The following DAND5 variants were observed in gnomAD, a reference collection of about 807,000 sequenced individuals.
DAND5 encodes DAN domain BMP antagonist family member 5, also known as DAN domain family member 5.
A neutral mutation model predicts 9.2 loss-of-function variants in DAND5; 8 were observed. That is an observed-to-expected ratio of 0.87 (90% CI 0.51 to 1.56). The LOEUF is 1.56. DAND5 is among the 40% of genes most tolerant of loss of function. DAND5 has a pLI of 0.00. For missense variants in DAND5, 244 were observed against 244.7 expected (o/e 1.00, Z 0.02); for synonymous variants, 95 against 101.1 (o/e 0.94, Z 0.36).
intron 1 of DAND5, among the ~76,000 whole-genome samples, chr19:12,973,151 C>G (rs569415757): frequency 1.3e-5 from 2 of 152,142 alleles, no homozygotes; most frequent in Admixed American, 6.6e-5. Flanking sequence ...CGTGAGCCAC[C>G]GCGCCCGGCC....
At chr19:12,972,058 AT>A (rs71168643) in intron 1 of DAND5, among the ~76,000 whole-genome samples, 198 of 114,136 alleles carry the variant, frequency 1.7e-3, no homozygotes, top group East Asian at 0.01. Context: ...CCCAGCTAAT[AT>A]TTTTTTTTTT....
Position 12,973,435 on chromosome 19 carries a change from T to C in DAND5, c.371T>C (p.Leu124Pro), listed in dbSNP as rs747900391. The C allele has an allele frequency of 8.1e-6, 13 of 1,614,176 alleles. No individual in the cohort carries two copies. Among genetic ancestry groups the C allele is most frequent in the Non-Finnish European group, 1.1e-5 (13 of 1,180,034 alleles). The part of the protein sequence containing the change: ...GCSAIRLRNH[L>P]CFGHCSSLYI... ...TCAGCCATACGCCTCCGAAATCATC[T>C]GTGCTTTGGTCATTGCTCCTCTCTC... Residue 124 changes from leucine to proline, a missense_variant, in exon 2 of 2, where the codon CTG (leucine) becomes CCG (proline). Leu to Pro is a moderately conservative substitution (Grantham distance 98). Coordinates refer to ENST00000317060, the MANE Select transcript of DAND5 (RefSeq NM_152654.3).
intron 1 of DAND5, among the ~76,000 whole-genome samples, chr19:12,972,909 C>T (rs2011152448): frequency 7.2e-6 from 1 of 138,772 alleles, no homozygotes; most frequent in Non-Finnish European, 1.5e-5. Context: ...TGTCCCCAGG[C>T]TGGAGTGCAG....
intron 1 of DAND5, chr19:12,970,493 C>T: frequency 4.3e-6 from 3 of 701,798 alleles, no homozygotes; most frequent in South Asian, 1.5e-5. Flanking sequence ...TCTTGAGCTT[C>T]TGGCCTCAAG....
rs141098749 is a variant in DAND5 at position 12,973,956 on chromosome 19, G to A, written c.*322G>A. On this transcript the variant is annotated 3_prime_UTR_variant, in exon 2 of 2. Transcript: ENST00000317060. ...CAGCTCACTGCAAGCTCCACCTCCCGGGTTTATGCCATTCTCCTGTCTCAG... is the reference window on the plus strand; with the variant it reads ...CAGCTCACTGCAAGCTCCACCTCCCAGGTTTATGCCATTCTCCTGTCTCAG... The A allele has an allele frequency of 0.085, 21,691 of 254,128 alleles. 1,245 individuals carry two copies. Among genetic ancestry groups the A allele is most frequent in the Middle Eastern group, 0.22 (149 of 676 alleles). 15.7% of individuals were successfully genotyped at this position (254,128 alleles called of 1,614,324 possible). A position where few individuals can be genotyped will look rare whatever the true frequency, so the allele number is the denominator to read the frequency against.
Position 12,973,498 on chromosome 19 carries a change from G to A in DAND5, c.434G>A (p.Cys145Tyr), listed in dbSNP as rs376389047. The change falls in exon 2 of 2, where the codon TGC (cysteine) becomes TAC (tyrosine). Residue 145 changes from cysteine (C) to tyrosine (Y), a missense_variant. Coordinates refer to ENST00000317060, the MANE Select transcript of DAND5 (RefSeq NM_152654.3). ...PGSDPTPLVL[C>Y]NSCMPARKRW... ...TCGGACCCCACCCCACTAGTCCTGT[G>A]CAACAGCTGTATGCCTGCTCGCAAG... is the stretch of plus-strand genomic sequence containing the variant. The A allele has an allele frequency of 6.2e-7, 1 of 1,614,156 alleles. No homozygotes were observed. The highest frequency in any genetic ancestry group is 8.5e-7 in the Non-Finnish European group (1 of 1,180,038).
rs1001918994 is a variant in DAND5, at chr19:12,973,988, G to A, written c.*354G>A. The A allele has an allele frequency of 3.4e-4, 75 of 220,360 alleles. 1 individual carries two copies. Among genetic ancestry groups the A allele is most frequent in the South Asian group, 1.9e-3 (26 of 13,864 alleles). The allele number at this position is 220,360 out of a possible 1,614,324, so 13.7% of individuals were successfully genotyped here. On this transcript the variant is annotated 3_prime_UTR_variant, in exon 2 of 2. Transcript: ENST00000317060. ...TGCCATTCTCCTGTCTCAGCCTCCC[G>A]AGTAGCTGGGACTACAGGCACCCGC...
intron 1 of DAND5, among the ~76,000 whole-genome samples, chr19:12,972,258 A>G (rs2011149389): frequency 6.6e-6 from 1 of 151,664 alleles, no homozygotes; most frequent in South Asian, 2.1e-4. Context: ...ACGGGGTTTC[A>G]CCATATTAGC....
At chr19:12,973,269 A>T (rs2011156053) in intron 1 of DAND5, 120 bp from the exon 2 acceptor site, 2 of 1,416,566 alleles carry the variant, frequency 1.4e-6, no homozygotes, top group Admixed American at 2.2e-5. Context: ...ATTTGAACCC[A>T]GGCAGCCTGG....
Position 12,973,934 on chromosome 19 carries a change from C to T in DAND5, c.*300C>T, listed in dbSNP as rs7252498. The T allele has an allele frequency of 3.6e-3, 1,081 of 299,634 alleles. 16 individuals are homozygous for T. The highest frequency in any genetic ancestry group is 0.022 in the African/African-American group (1,012 of 45,790). 18.6% of individuals were successfully genotyped at this position (299,634 alleles called of 1,614,324 possible). ...CTGGAGTGCAGTGGCGCAATCTCAGCTCACTGCAAGCTCCACCTCCCGGGT... is the reference window on the plus strand; with the variant it reads ...CTGGAGTGCAGTGGCGCAATCTCAGTTCACTGCAAGCTCCACCTCCCGGGT... On this transcript the variant is annotated 3_prime_UTR_variant, in exon 2 of 2. Transcript: ENST00000317060.
chr19:12,973,059 T>TCACC (rs374354290), intron 1 of DAND5, among the ~76,000 whole-genome samples: 2 of 151,424 alleles, frequency 1.3e-5, no homozygotes, highest in Admixed American at 6.6e-5. Flanking sequence ...AGACGGGGTT[T>TCACC]CACCGTGTTG....
rs1555691349 is a variant in DAND5, at chr19:12,974,541, AAC to A, written c.*908_*909del. 1.3e-5 allele frequency: 2 copies of A among 151,070 alleles called. No individual in the cohort carries two copies. Among genetic ancestry groups the A allele is most frequent in the Admixed American group, 6.6e-5 (1 of 15,042 alleles). 9.4% of individuals were successfully genotyped at this position (151,070 alleles called of 1,614,324 possible). On this transcript the variant is annotated 3_prime_UTR_variant, in exon 2 of 2. Transcript: ENST00000317060. ...GGACACCAAAAAAGAAAAAAAAAAA[AAC>A]CCAAACCAAAAACGCAAACCAAAGC...
chr19:12,973,338 C>T, intron 1 of DAND5, 51 bp from the exon 2 acceptor site: 4 of 1,590,680 alleles, frequency 2.5e-6, no homozygotes, highest in Non-Finnish European at 3.4e-6. Flanking sequence ...ATCCTCGCCA[C>T]TCTGGCCCCA....
rs1399718589 is a variant in DAND5 at position 12,972,911 on chromosome 19, G to A, written c.325-478G>A. ...CGGAGTCTCGCTCTGTCCCCAGGCT[G>A]GAGTGCAGTGGCGCTATCTCGGCTC... On this transcript the variant is annotated intron_variant, in intron 1 of 1. Transcript: ENST00000317060. 3.7e-5 allele frequency among the ~76,000 whole-genome samples: 5 copies of A among 136,938 alleles called. No individual in the cohort carries two copies. In the South Asian group the frequency reaches 1.1e-3, roughly 31 times the overall value. The allele number at this position is 136,938 out of a possible 152,430, so 89.8% of individuals were successfully genotyped here. A position where few individuals can be genotyped will look rare whatever the true frequency, so the allele number is the denominator to read the frequency against.
At chr19:12,970,620 T>C in intron 1 of DAND5, 1 of 478,056 alleles carries the variant, frequency 2.1e-6, no homozygotes, top group Non-Finnish European at 3.7e-6. Flanking sequence ...TTCTTTTCTT[T>C]CTTTGTTTTT....
In DAND5 at chr19:12,973,480, C is replaced by T. The variant is rs763354319; in HGVS notation, c.416C>T (p.Pro139Leu). The stretch of plus-strand genomic sequence containing the variant: ...TCTCTCTACATCCCTGGCTCGGACC[C>T]CACCCCACTAGTCCTGTGCAACAGC... The part of the protein sequence containing the change: ...CSSLYIPGSD[P>L]TPLVLCNSCM... Residue 139 changes from proline to leucine, a missense_variant, in exon 2 of 2, where the codon CCC becomes CTC. Pro to Leu is a moderately conservative substitution (Grantham distance 98, BLOSUM62 -3). Transcript: ENST00000317060. 1 of 1,614,182 alleles carries T rather than the reference C, an allele frequency of 6.2e-7. No homozygotes were observed. Among genetic ancestry groups the T allele is most frequent in the Non-Finnish European group, 8.5e-7 (1 of 1,180,040 alleles).
chr19:12,970,656 TCTTTC>T (rs2011142223), intron 1 of DAND5: 1 of 474,056 alleles, frequency 2.1e-6, no homozygotes. Context: ...TTTCTTTCTT[TCTTTC>T]CTTTCTTTCT....
intron 1 of DAND5, chr19:12,970,533 T>C (rs1357135097): frequency 4.4e-6 from 3 of 684,588 alleles, no homozygotes; most frequent in Non-Finnish European, 8.0e-6. Flanking sequence ...TCCTGAGTTC[T>C]AGGTGTGAGC....
rs1568238194 is a variant in DAND5, at chr19:12,969,820, GCTT to G, written c.163_165del (p.Ser55del). ...AGGGGCCCTGCCCCCACTGGTGCCA[GCTT>G]CTGCCCTTGGGAGCTGGAAGGCCTT... On this transcript the variant is annotated inframe_deletion, in exon 1 of 2. Coordinates refer to ENST00000317060, the MANE Select transcript of DAND5 (RefSeq NM_152654.3). 1 of 1,608,830 alleles carries G rather than the reference GCTT, an allele frequency of 6.2e-7. No homozygotes were observed. Among genetic ancestry groups the G allele is most frequent in the Non-Finnish European group, 8.5e-7 (1 of 1,177,406 alleles).
Sources: gnomAD v4.1 joint callset for allele counts (sites outside exome capture counted in the v4.1 genomes callset) on GRCh38, gnomAD v4.1.1 for gene constraint, MANE v1.5 for transcripts, NCBI Gene and HGNC (gene_info 2026-07-23, HGNC 2026-07-21) for gene names.